Variants in APBB2 observed in about 807,000 individuals in gnomAD.
The protein encoded by APBB2 is amyloid beta precursor protein binding family B member 2.
A neutral mutation model predicts 82.5 loss-of-function variants in APBB2; 38 were observed. The observed-to-expected ratio is 0.46, with a 90% CI of 0.36 to 0.60. APBB2 has a LOEUF of 0.60. Among genes scored for constraint, APBB2 ranks in the 20% least tolerant of loss-of-function variants. The pLI, the probability that APBB2 is intolerant of heterozygous loss-of-function variation, is 0.00. For missense variants in APBB2, 772 were observed against 972.3 expected, an observed-to-expected ratio of 0.79 and a Z score of 2.74; for synonymous variants, 341 against 368.2, an observed-to-expected ratio of 0.93 and a Z score of 0.85.
chr4:40,948,233 T>A (rs184152453), intron 6 of APBB2, among the ~76,000 whole-genome samples: 7 of 152,208 alleles, frequency 4.6e-5, no homozygotes, highest in African/African-American at 1.4e-4. Context: ...CTCAGCACCA[T>A]CATAATTCAT....
chr4:40,828,383 T>G (rs1448042339), intron 13 of APBB2, among the ~76,000 whole-genome samples: 2 of 152,186 alleles, frequency 1.3e-5, no homozygotes, highest in African/African-American at 4.8e-5. Context: ...ATTCCCAGAC[T>G]AAGTTTTCCA....
chr4:40,868,424 G>A (rs550851817), intron 12 of APBB2, among the ~76,000 whole-genome samples: 1 of 152,252 alleles, frequency 6.6e-6, no homozygotes, highest in Non-Finnish European at 1.5e-5. Flanking sequence ...TCATTGAAGC[G>A]AGCTGTATAA....
Position 41,083,413 on chromosome 4 carries a change from G to A in APBB2, c.-149+17226C>T, listed in dbSNP as rs529659024. 1.7e-4 allele frequency among the ~76,000 whole-genome samples: 26 copies of A among 151,884 alleles called. No individual in the cohort carries two copies. The East Asian group carries it at 2.9e-3, about 17-fold the overall frequency. ...TTTCTAAAACTGTTACATTGTGGCC[G>A]GGTGCAGTGGCTCACGCCTGTAATC... On this transcript the variant is annotated intron_variant, in intron 3 of 17. Coordinates refer to ENST00000508593, the MANE Select transcript of APBB2 (RefSeq NM_004307.2).
At chr4:41,001,848 A>G (rs1424057898) in intron 6 of APBB2, among the ~76,000 whole-genome samples, 2 of 151,676 alleles carry the variant, frequency 1.3e-5, no homozygotes, top group Non-Finnish European at 2.9e-5. Context: ...ACTGCACTCC[A>G]GCCTGGGTGA....
At chr4:41,183,263 C>A (rs1469426485) in intron 1 of APBB2, among the ~76,000 whole-genome samples, 2 of 152,192 alleles carry the variant, frequency 1.3e-5, no homozygotes, top group African/African-American at 4.8e-5. Context: ...CTGCTTCCTC[C>A]TTTCATTCTA....
At chr4:41,040,060 T>C (rs1401303871) in intron 4 of APBB2, among the ~76,000 whole-genome samples, 1 of 152,144 alleles carries the variant, frequency 6.6e-6, no homozygotes, top group Admixed American at 6.6e-5. Flanking sequence ...TCACAAATAG[T>C]AGGCTGAGTC....
chr4:41,174,964 T>G (rs2154056800), intron 1 of APBB2, among the ~76,000 whole-genome samples: 1 of 152,336 alleles, frequency 6.6e-6, no homozygotes, highest in Non-Finnish European at 1.5e-5. Flanking sequence ...TCCTGAGCGT[T>G]CCAGAATTCC....
At chr4:41,068,183 T>C (rs961455606) in intron 3 of APBB2, among the ~76,000 whole-genome samples, 5 of 152,220 alleles carry the variant, frequency 3.3e-5, no homozygotes, top group Admixed American at 2.6e-4. Flanking sequence ...TGTTTTTTCC[T>C]ATACATATGT....
chr4:40,996,066 G>A (rs1803558317), intron 6 of APBB2, among the ~76,000 whole-genome samples: 1 of 152,176 alleles, frequency 6.6e-6, no homozygotes, highest in African/African-American at 2.4e-5. Flanking sequence ...GTCTCACTTG[G>A]CAGAGATTCT....
At chr4:40,838,715 C>T (rs1363343871) in intron 12 of APBB2, among the ~76,000 whole-genome samples, 2 of 151,722 alleles carry the variant, frequency 1.3e-5, no homozygotes, top group Non-Finnish European at 2.9e-5. Context: ...GTGATCCGCC[C>T]ACCTCAGCCT....
At chr4:40,963,225 C>T (rs950814545) in intron 6 of APBB2, among the ~76,000 whole-genome samples, 27 of 152,136 alleles carry the variant, frequency 1.8e-4, no homozygotes, top group African/African-American at 6.5e-4. Context: ...AAACTCATTC[C>T]ATTACTTTTT....
intron 2 of APBB2, among the ~76,000 whole-genome samples, chr4:41,113,060 G>A (rs965899456): frequency 2.0e-5 from 3 of 152,026 alleles, no homozygotes; most frequent in South Asian, 2.1e-4. Context: ...AGAAAACAAC[G>A]AGCCACTGTA....
At chr4:41,084,214 C>T (rs1051770892) in intron 3 of APBB2, among the ~76,000 whole-genome samples, 3 of 152,094 alleles carry the variant, frequency 2.0e-5, no homozygotes, top group African/African-American at 4.8e-5. Context: ...CACCTGAGGT[C>T]GGGAGTTTGA....
chr4:40,971,778 A>G (rs1430229935), intron 6 of APBB2, among the ~76,000 whole-genome samples: 1 of 152,202 alleles, frequency 6.6e-6, no homozygotes, highest in East Asian at 1.9e-4. Flanking sequence ...ATCTGACACC[A>G]GGTGGCAGAT....
Position 41,013,784 on chromosome 4 carries a change from T to C in APBB2, c.634A>G (p.Asn212Asp), listed in dbSNP as rs1283294964. Residue 212 changes from asparagine to aspartate, a missense_variant, in exon 6 of 18, where the codon AAC becomes GAC. Coordinates refer to ENST00000508593, the MANE Select transcript of APBB2 (RefSeq NM_004307.2). ...GNGDLLLQKP[N>D]RPQSSPEDGQ... Reference sequence around the variant, plus strand: ...TCTTCAGGGCTGGACTGGGGTCTGTTTGGTTTCTGCAGCAGCAAATCGCCA... The same window carrying C: ...TCTTCAGGGCTGGACTGGGGTCTGTCTGGTTTCTGCAGCAGCAAATCGCCA... 1.2e-6 allele frequency: 2 copies of C among 1,614,082 alleles called. No homozygotes were observed. The highest frequency in any genetic ancestry group is 1.3e-5 in the African/African-American group (1 of 74,928).
chr4:41,178,765 C>T (rs907214248), intron 1 of APBB2, among the ~76,000 whole-genome samples: 1 of 152,104 alleles, frequency 6.6e-6, no homozygotes, highest in African/African-American at 2.4e-5. Context: ...ACTGAGTCAC[C>T]CAAGACCACA....
intron 10 of APBB2, among the ~76,000 whole-genome samples, chr4:40,902,466 G>T (rs1258108317): frequency 6.6e-6 from 1 of 152,214 alleles, no homozygotes; most frequent in African/African-American, 2.4e-5. Context: ...ACTTCAGGGT[G>T]GCTGGAGCTG....
chr4:41,051,322 T>C (rs1725857966), intron 4 of APBB2, among the ~76,000 whole-genome samples: 1 of 152,156 alleles, frequency 6.6e-6, no homozygotes, highest in Admixed American at 6.5e-5. Context: ...CTTGGCAGAC[T>C]CCAAAAACTC....
Position 40,812,047 on chromosome 4 carries a change from A to G in APBB2, c.*4045T>C, listed in dbSNP as rs1744523116. ...AAAAGACTCGAGTTGGTGACTAAAT[A>G]GGCTTCTATGTCCGGAAGGCCAGCT... On this transcript the variant is annotated 3_prime_UTR_variant, in exon 18 of 18. Transcript: ENST00000508593. The G allele has an allele frequency of 6.6e-6, 1 of 152,212 alleles. No individual in the cohort carries two copies. 9.4% of individuals were successfully genotyped at this position (152,212 alleles called of 1,614,324 possible). A position where few individuals can be genotyped will look rare whatever the true frequency, so the allele number is the denominator to read the frequency against.
Sources: allele counts gnomAD v4.1 joint callset (sites outside exome capture counted in the v4.1 genomes callset), GRCh38; gene constraint gnomAD v4.1.1; transcripts MANE v1.5; gene names NCBI Gene and HGNC (gene_info 2026-07-23, HGNC 2026-07-21).